HLA-DRB1: variants seen among roughly 807,000 people sequenced by gnomAD.
HLA-DRB1 encodes the protein major histocompatibility complex, class II, DR beta 1 precursor.
A neutral mutation model predicts 27.9 loss-of-function variants in HLA-DRB1; 10 were observed. That is an observed-to-expected ratio of 0.36 (90% CI 0.22 to 0.61). The LOEUF is 0.61. HLA-DRB1 is among the 20% of genes least tolerant of loss of function. The pLI is 0.73. For synonymous variants in HLA-DRB1, 57 were observed against 126.7 expected, an observed-to-expected ratio of 0.45 and a Z score of 3.69; for missense variants, 118 against 306.3, an observed-to-expected ratio of 0.39 and a Z score of 4.59.
chr6:32,579,201 A>C (rs72847693), intron 5 of HLA-DRB1, 97 bp from the exon 6 acceptor site: 93,448 of 334,854 alleles, frequency 0.28, 29,080 homozygotes, highest in Non-Finnish European at 0.3. Flanking sequence ...CTGCAGGAAG[A>C]AGAAAAAGAA....
intron 5 of HLA-DRB1, 141 bp downstream of exon 5, chr6:32,580,102 CAAAA>C: frequency 3.0e-3 from 158 of 52,462 alleles, no homozygotes; most frequent in Middle Eastern, 6.3e-3. Flanking sequence ...GACTCCGTCT[CAAAA>C]AAAAAAAAAA....
chr6:32,586,181 C>T (rs1464597336), intron 1 of HLA-DRB1, among the ~76,000 whole-genome samples: 230 of 111,234 alleles, frequency 2.1e-3, no homozygotes, highest in African/African-American at 7.2e-3. Context: ...CACAGGTCCT[C>T]CTCCTTCTCT....
chr6:32,578,893 C>A lies in HLA-DRB1; in HGVS notation c.*198G>T, dbSNP rs34981130. On this transcript the variant is annotated 3_prime_UTR_variant, in exon 6 of 6. Coordinates refer to ENST00000360004, the Ensembl canonical transcript of HLA-DRB1. ...CACAAAAGTTGAAGATGAGGCGCTG[C>A]CATCAATGCTGGGACTTCAGGCCAA... 39 of 471,814 alleles carry A rather than the reference C, an allele frequency of 8.3e-5. No individual in the cohort carries two copies. The East Asian group carries it at 1.1e-3, about 13-fold the overall frequency. The allele number at this position is 471,814 out of a possible 1,614,324, so 29.2% of individuals were successfully genotyped here.
chr6:32,586,366 C>T (rs1776394200), intron 1 of HLA-DRB1, among the ~76,000 whole-genome samples: 1 of 84,402 alleles, frequency 1.2e-5, no homozygotes, highest in Non-Finnish European at 2.4e-5. Flanking sequence ...CTGCAAATAT[C>T]GACTCCACCA....
At chr6:32,584,304 A>T (rs11554462) in exon 2 of HLA-DRB1, 2 of 1,316,912 alleles carry the variant, frequency 1.5e-6, no homozygotes, top group African/African-American at 1.6e-5. Context: ...TTATAGAAGT[A>T]TCTGTCCAGG....
intron 3 of HLA-DRB1, 102 bp from the exon 4 acceptor site, chr6:32,580,958 C>CCCA: frequency 1.4e-6 from 1 of 726,672 alleles, no homozygotes. Context: ...AAAGCTGCCT[C>CCCA]ACAAGAACTA....
At position 32,589,752 on chromosome 6, in the gene HLA-DRB1, C is replaced by G. The variant is rs1059547; in HGVS notation, c.-10G>C. 9.1e-3 allele frequency: 7,385 copies of G among 808,680 alleles called. 83 individuals are homozygous for G. Among genetic ancestry groups the G allele is most frequent in the African/African-American group, 0.047 (1,348 of 28,614 alleles). The allele number at this position is 808,680 out of a possible 1,614,324, so 50.1% of individuals were successfully genotyped here. On this transcript the variant is annotated 5_prime_UTR_variant, in exon 1 of 6. Transcript: ENST00000360004. ...GCTTCAGACACACCATGCTGGAGAA[C>G]AGGACAGGACCAGGGGCCAGAGAAG...
At chr6:32,589,444 C>CTT (rs1777035927) in intron 1 of HLA-DRB1, among the ~76,000 whole-genome samples, 199 bp downstream of exon 1, 1 of 73,650 alleles carries the variant, frequency 1.4e-5, no homozygotes, top group Non-Finnish European at 2.7e-5. Context: ...GTGCAAAGGC[C>CTT]CCTTACACAA....
chr6:32,581,554 C>T lies in HLA-DRB1; in HGVS notation c.652+3G>A, dbSNP rs34309628. ...AAATTTAGGAAGTCAGAAAGCTGCT[C>T]ACTCCATTCCACTGTGAGAGGGCTT... On this transcript the variant is annotated splice_donor_region_variant and intron_variant, in intron 3 of 5. Transcript: ENST00000360004. 500 of 1,079,078 alleles carry T rather than the reference C, an allele frequency of 4.6e-4. 6 individuals are homozygous for T. Among genetic ancestry groups the T allele is most frequent in the South Asian group, 3.3e-3 (228 of 69,870 alleles). 66.8% of individuals were successfully genotyped at this position (1,079,078 alleles called of 1,614,324 possible). A position where few individuals can be genotyped will look rare whatever the true frequency, so the allele number is the denominator to read the frequency against.
At chr6:32,583,683 C>T (rs34588724) in intron 2 of HLA-DRB1, among the ~76,000 whole-genome samples, 24 of 62,564 alleles carry the variant, frequency 3.8e-4, no homozygotes, top group East Asian at 1.7e-3. Context: ...CCTGCCTTAC[C>T]CCTCAGCAGT....
intron 1 of HLA-DRB1, among the ~76,000 whole-genome samples, chr6:32,584,764 C>G (rs1446448695): frequency 0.12 from 10,004 of 84,890 alleles, 10 homozygotes; most frequent in Admixed American, 0.19. Context: ...TCAACAGCAC[C>G]CACCGCGTTC....
intron 3 of HLA-DRB1, among the ~76,000 whole-genome samples, chr6:32,581,316 A>T (rs2150761781): frequency 1.2e-5 from 1 of 82,518 alleles, no homozygotes. Context: ...GACCTGCAAA[A>T]TCATGGGGAG....
intron 1 of HLA-DRB1, among the ~76,000 whole-genome samples, chr6:32,584,779 T>C (rs796583938): frequency 0.15 from 12,113 of 81,722 alleles, 76 homozygotes; most frequent in East Asian, 0.21. Flanking sequence ...GCGTTCACCC[T>C]GTGAACACTT....
chr6:32,585,927 G>T (rs1193292878), intron 1 of HLA-DRB1, among the ~76,000 whole-genome samples: 1 of 120,528 alleles, frequency 8.3e-6, no homozygotes, highest in African/African-American at 3.2e-5. Flanking sequence ...TCATAGGCCT[G>T]ATACACAGTC....
intron 2 of HLA-DRB1, among the ~76,000 whole-genome samples, chr6:32,582,128 A>C: frequency 8.3e-6 from 1 of 120,624 alleles, no homozygotes; most frequent in Non-Finnish European, 1.7e-5. Flanking sequence ...GTAGTAATTA[A>C]AACTGATATT....
chr6:32,580,644 T>C (rs1775300063), intron 4 of HLA-DRB1, 102 bp downstream of exon 4: 2 of 1,093,544 alleles, frequency 1.8e-6, no homozygotes, highest in South Asian at 1.3e-5. Context: ...AAAGAAAGGC[T>C]TTATTCAGGG....
At position 32,581,203 on chromosome 6, in the gene HLA-DRB1, TCTC is replaced by T. The variant is rs779731447; in HGVS notation, c.653-350_653-348del. On this transcript the variant is annotated intron_variant, in intron 3 of 5. Coordinates refer to ENST00000360004, the Ensembl canonical transcript of HLA-DRB1. ...CTCATGTCAGGTAGGCCCCTACACTTCTCCTCTTCCCAGATCACAAAAAATAAC... is the reference window on the plus strand; with the variant it reads ...CTCATGTCAGGTAGGCCCCTACACTTCTCTTCCCAGATCACAAAAAATAAC... Among the ~76,000 whole-genome samples, 9 of 88,826 alleles carry T rather than the reference TCTC, an allele frequency of 1.0e-4. 2 individuals carry two copies. The East Asian group carries it at 2.6e-3, about 25-fold the overall frequency. 58.3% of individuals were successfully genotyped at this position (88,826 alleles called of 152,430 possible). A position where few individuals can be genotyped will look rare whatever the true frequency, so the allele number is the denominator to read the frequency against.
At chr6:32,580,827 T>C in exon 4 of HLA-DRB1, 5 of 1,613,190 alleles carry the variant, frequency 3.1e-6, no homozygotes, top group Non-Finnish European at 4.2e-6. Context: ...CCACTCAGCA[T>C]CTTGCTCTGT....
At chr6:32,589,204 G>A (rs1445293244) in intron 1 of HLA-DRB1, among the ~76,000 whole-genome samples, 3,785 of 82,616 alleles carry the variant, frequency 0.046, 1 homozygote, top group Middle Eastern at 0.068. Context: ...CAACACCAAA[G>A]GTCCTGTGGG....
Sources: allele counts gnomAD v4.1 joint callset (sites outside exome capture counted in the v4.1 genomes callset), GRCh38; gene constraint gnomAD v4.1.1; transcripts MANE v1.5; gene names NCBI Gene and HGNC (gene_info 2026-07-23, HGNC 2026-07-21).